Variants in PRKD3 observed in about 807,000 individuals in gnomAD.
PRKD3 encodes the protein serine/threonine-protein kinase D3.
Under a neutral mutation model 99.2 loss-of-function variants are expected in PRKD3, and 47 were observed. The ratio of observed to expected loss-of-function variants is 0.47; its 90% CI spans 0.38 to 0.60. PRKD3 has a LOEUF of 0.60. Among genes scored for constraint, PRKD3 ranks in the 20% least tolerant of loss-of-function variants. PRKD3 has a pLI of 0.00. For synonymous variants in PRKD3, 392 were observed against 355.4 expected, an observed-to-expected ratio of 1.10 and a Z score of -1.16; for missense variants, 1,019 against 1,088.4, an observed-to-expected ratio of 0.94 and a Z score of 0.90.
intron 12 of PRKD3, among the ~76,000 whole-genome samples, chr2:37,270,033 G>C (rs1403952695): frequency 6.6e-6 from 1 of 152,098 alleles, no homozygotes; most frequent in Non-Finnish European, 1.5e-5. Context: ...TTCCAGACCA[G>C]CCTGACCAAC....
chr2:37,262,661 T>C (rs1668554045), intron 14 of PRKD3, among the ~76,000 whole-genome samples: 1 of 147,736 alleles, frequency 6.8e-6, no homozygotes. Flanking sequence ...TAGGCCATAG[T>C]TGGCTGGCTC....
At position 37,316,242 on chromosome 2, in the gene PRKD3, G is replaced by C; in HGVS notation, c.283C>G (p.Gln95Glu). ...VKDLVCSIVYQKFPECGFFGM... is the reference protein window; with the variant it reads ...VKDLVCSIVYEKFPECGFFGM... ...GATAATAGCACACACAGTACCTTTT[G>C]ATAAACTATGGAGCACACAAGATCC... is the stretch of plus-strand genomic sequence containing the variant. The change falls in exon 2 of 19, where the codon CAA becomes GAA. Residue 95 changes from glutamine to glutamate, a missense_variant. Physicochemically the swap from Gln to Glu is conservative, Grantham distance 29. Transcript: ENST00000234179. 3 of 1,609,868 alleles carry C rather than the reference G, an allele frequency of 1.9e-6. No homozygotes were observed. The highest frequency in any genetic ancestry group is 1.1e-5 in the South Asian group (1 of 90,946).
At chr2:37,266,075 T>C (rs1668817825) in intron 14 of PRKD3, among the ~76,000 whole-genome samples, 1 of 152,240 alleles carries the variant, frequency 6.6e-6, no homozygotes, top group Non-Finnish European at 1.5e-5. Flanking sequence ...ATGAATGCTA[T>C]TAATATTCTA....
At chr2:37,319,254 T>C (rs919813545) in intron 1 of PRKD3, among the ~76,000 whole-genome samples, 108 of 152,210 alleles carry the variant, frequency 7.1e-4, no homozygotes, top group African/African-American at 2.5e-3. Flanking sequence ...CATGCTACCT[T>C]TGCAAGAATG....
Position 37,253,242 on chromosome 2 carries a change from T to C in PRKD3, c.2608A>G (p.Asn870Asp). The change falls in exon 19 of 19, where the codon AAC becomes GAC. Residue 870 changes from asparagine to aspartate, a missense_variant. By Grantham distance (23) the Asn-to-Asp change is conservative (BLOSUM62 1). Coordinates refer to ENST00000234179, the MANE Select transcript of PRKD3 (RefSeq NM_005813.6). ...ARWEIHAYTHNLVYPKHFIMA... is the reference protein window; with the variant it reads ...ARWEIHAYTHDLVYPKHFIMA... ...ATGAAGTGCTTTGGGTATACAAGGTTATGTGTGTATGCATGTATTTCCCAG... is the reference window on the plus strand; with the variant it reads ...ATGAAGTGCTTTGGGTATACAAGGTCATGTGTGTATGCATGTATTTCCCAG... 6.2e-7 allele frequency: 1 copy of C among 1,612,676 alleles called. No homozygotes were observed. Among genetic ancestry groups the C allele is most frequent in the South Asian group, 1.1e-5 (1 of 90,940 alleles).
At chr2:37,317,537 C>T (rs982849032) in intron 1 of PRKD3, among the ~76,000 whole-genome samples, 1 of 152,010 alleles carries the variant, frequency 6.6e-6, no homozygotes, top group Admixed American at 6.5e-5. Flanking sequence ...GTAAAACTGA[C>T]ATTTTCATAG....
intron 5 of PRKD3, 28 bp from the exon 6 acceptor site, chr2:37,286,397 T>C (rs1670097183): frequency 6.3e-7 from 1 of 1,582,876 alleles, no homozygotes; most frequent in Admixed American, 1.7e-5. Flanking sequence ...TTCATAAGTG[T>C]AAGTCAATAT....
At chr2:37,273,433 T>C (rs1669408570) in intron 11 of PRKD3, among the ~76,000 whole-genome samples, 1 of 152,114 alleles carries the variant, frequency 6.6e-6, no homozygotes, top group African/African-American at 2.4e-5. Flanking sequence ...CCTCCACCCC[T>C]CCCACTGAGA....
chr2:37,254,250 C>T lies in PRKD3; in HGVS notation c.2453G>A (p.Arg818Lys). 1 of 1,613,438 alleles carries T rather than the reference C, an allele frequency of 6.2e-7. No individual in the cohort carries two copies. Residue 818 changes from arginine (R) to lysine (K), a missense_variant, in exon 18 of 19, where the codon AGA becomes AAA. Arg to Lys is a conservative substitution (Grantham distance 26). Transcript: ENST00000234179. The part of the protein sequence containing the change: ...LINNLLQVKM[R>K]KRYSVDKSLS... ...AGATTTGTCAACACTGTAACGTTTT[C>T]TCATCTTCACTTGAAGCAGATTGTT...
chr2:37,271,421 G>A (rs995899134), intron 12 of PRKD3, among the ~76,000 whole-genome samples: 1 of 152,152 alleles, frequency 6.6e-6, no homozygotes, highest in Non-Finnish European at 1.5e-5. Flanking sequence ...TTGGAACACA[G>A]CCATGCCTGT....
intron 13 of PRKD3, chr2:37,268,865 G>A (rs1669024201): frequency 6.5e-6 from 1 of 153,984 alleles, no homozygotes; most frequent in South Asian, 2.0e-4. Context: ...CTATGAATCT[G>A]TAGATGACTG....
chr2:37,286,964 C>T (rs1473953525), intron 5 of PRKD3, among the ~76,000 whole-genome samples: 1 of 151,956 alleles, frequency 6.6e-6, no homozygotes, highest in Non-Finnish European at 1.5e-5. Context: ...GGCGTGGTGG[C>T]TCACGCCTGT....
intron 14 of PRKD3, among the ~76,000 whole-genome samples, chr2:37,262,592 G>T (rs1018473937): frequency 6.6e-6 from 1 of 152,170 alleles, no homozygotes; most frequent in African/African-American, 2.4e-5. Context: ...GCAATAAGCA[G>T]TGTAAGATTC....
intron 2 of PRKD3, among the ~76,000 whole-genome samples, chr2:37,298,240 C>G (rs1243005402): frequency 2.6e-5 from 4 of 152,170 alleles, no homozygotes; most frequent in Admixed American, 2.0e-4. Flanking sequence ...GTCCTGTAGT[C>G]AACAGTGTTG....
At chr2:37,286,030 A>G (rs1670078527) in intron 6 of PRKD3, 147 bp downstream of exon 6, 1 of 746,998 alleles carries the variant, frequency 1.3e-6, no homozygotes, top group Non-Finnish European at 2.1e-6. Context: ...ACACACATTT[A>G]TATTTTGTTT....
chr2:37,260,396 T>G lies in PRKD3; in HGVS notation c.1885-12A>C. Reference sequence around the variant, plus strand: ...GGATGGTGCAAATTCTGAAGAGAGGTTGCAAGATACATGAGCAACTTAAGC... The same window carrying G: ...GGATGGTGCAAATTCTGAAGAGAGGGTGCAAGATACATGAGCAACTTAAGC... On this transcript the variant is annotated splice_polypyrimidine_tract_variant and intron_variant, in intron 14 of 18. Transcript: ENST00000234179. 1 of 1,605,218 alleles carries G rather than the reference T, an allele frequency of 6.2e-7. No homozygotes were observed. The highest frequency in any genetic ancestry group is 1.1e-5 in the South Asian group (1 of 90,860).
intron 2 of PRKD3, among the ~76,000 whole-genome samples, chr2:37,295,683 TC>T (rs1357842523): frequency 6.6e-6 from 1 of 152,220 alleles, no homozygotes; most frequent in African/African-American, 2.4e-5. Context: ...TTTATAGAGT[TC>T]TTATCAAAAT....
intron 12 of PRKD3, among the ~76,000 whole-genome samples, chr2:37,271,494 G>C (rs1257002775): frequency 6.6e-6 from 1 of 152,142 alleles, no homozygotes; most frequent in Non-Finnish European, 1.5e-5. Context: ...AGTTGTATAT[G>C]GTCCACAACA....
intron 2 of PRKD3, among the ~76,000 whole-genome samples, chr2:37,295,599 T>G (rs1670641995): frequency 6.6e-6 from 1 of 152,178 alleles, no homozygotes; most frequent in Non-Finnish European, 1.5e-5. Context: ...TATAGCACCT[T>G]AGAAAAGTTG....
Sources: allele counts gnomAD v4.1 joint callset (sites outside exome capture counted in the v4.1 genomes callset), GRCh38; gene constraint gnomAD v4.1.1; transcripts MANE v1.5; gene names NCBI Gene and HGNC (gene_info 2026-07-23, HGNC 2026-07-21).